The following SPON1 variants were observed in gnomAD, a reference collection of about 807,000 sequenced individuals.
The protein encoded by SPON1 is spondin 1.
Under a neutral mutation model 111.7 loss-of-function variants are expected in SPON1, and 52 were observed. The observed-to-expected ratio is 0.47, with a 90% CI of 0.37 to 0.59. The LOEUF is 0.59. Among genes scored for constraint, SPON1 ranks in the 20% least tolerant of loss-of-function variants. The pLI is 0.00. For synonymous variants in SPON1, 410 were observed against 395.8 expected (o/e 1.04, Z -0.43); for missense variants, 957 against 1,068.5 (o/e 0.90, Z 1.46).
intron 2 of SPON1, among the ~76,000 whole-genome samples, chr11:14,001,873 A>G (rs1474650983): frequency 5.3e-5 from 8 of 152,248 alleles, no homozygotes; most frequent in Non-Finnish European, 7.3e-5. Context: ...TTTGAAGATT[A>G]GATGAAATAA....
At chr11:13,963,242 T>A in intron 1 of SPON1, 100 bp downstream of exon 1, 2 of 902,226 alleles carry the variant, frequency 2.2e-6, no homozygotes, top group Non-Finnish European at 3.2e-6. Flanking sequence ...TCCGGGCGCG[T>A]GGCGCGGGTG....
chr11:14,093,331 T>C (rs1331368400), intron 5 of SPON1, among the ~76,000 whole-genome samples: 26 of 152,208 alleles, frequency 1.7e-4, no homozygotes, highest in Admixed American at 1.1e-3. Flanking sequence ...TGCCAAGGAA[T>C]TGGGAGTTAC....
At chr11:14,181,627 G>A (rs1848235649) in intron 6 of SPON1, among the ~76,000 whole-genome samples, 1 of 152,184 alleles carries the variant, frequency 6.6e-6, no homozygotes, top group African/African-American at 2.4e-5. Flanking sequence ...GCACAGACCA[G>A]GGATCAAAGC....
At chr11:14,143,788 G>A (rs1847686387) in intron 6 of SPON1, among the ~76,000 whole-genome samples, 1 of 152,140 alleles carries the variant, frequency 6.6e-6, no homozygotes, top group Non-Finnish European at 1.5e-5. Flanking sequence ...GTTCAGAGCT[G>A]CACCAATTGG....
intron 6 of SPON1, among the ~76,000 whole-genome samples, chr11:14,181,854 TG>T (rs1427011746): frequency 6.6e-6 from 1 of 152,236 alleles, no homozygotes; most frequent in Non-Finnish European, 1.5e-5. Context: ...GTGGGTTTTT[TG>T]TTTTTTGTTT....
chr11:14,119,165 A>G (rs1554926260), intron 5 of SPON1, among the ~76,000 whole-genome samples: 5 of 152,082 alleles, frequency 3.3e-5, no homozygotes, highest in African/African-American at 9.7e-5. Flanking sequence ...GCCCAGACAC[A>G]TGATCTTAGT....
In SPON1 at chr11:13,999,699, G is replaced by A. The variant is rs117571595; in HGVS notation, c.345+16746G>A. 1.0e-3 allele frequency among the ~76,000 whole-genome samples: 155 copies of A among 152,220 alleles called. No individual in the cohort carries two copies. The East Asian group carries it at 0.024, about 24-fold the overall frequency. ...TGGGATTACAGGTGTGAGCCACCGC[G>A]CCTGGCCTGCTATATCACTTTCTAT... On this transcript the variant is annotated intron_variant, in intron 2 of 15. Transcript: ENST00000576479.
At position 14,259,175 on chromosome 11, in the gene SPON1, T is replaced by G; in HGVS notation, c.1493-105T>G. 1 of 1,304,010 alleles carries G rather than the reference T, an allele frequency of 7.7e-7. No individual in the cohort carries two copies. Among genetic ancestry groups the G allele is most frequent in the Non-Finnish European group, 1.0e-6 (1 of 967,646 alleles). The allele number at this position is 1,304,010 out of a possible 1,614,324, so 80.8% of individuals were successfully genotyped here. ...TCTTAGGTGTGCAGACAACCTCAAC[T>G]GCCTGACTCCTCTTGATTCCCGCTG... On this transcript the variant is annotated intron_variant, in intron 11 of 15. Coordinates refer to ENST00000576479, the MANE Select transcript of SPON1 (RefSeq NM_006108.4). This position sits in a 1 kb window ranked among gnomAD's most constrained non-coding sequence, Gnocchi z 5.0.
intron 1 of SPON1, among the ~76,000 whole-genome samples, chr11:13,979,420 A>G (rs1487456351): frequency 2.6e-5 from 4 of 152,190 alleles, no homozygotes; most frequent in African/African-American, 7.2e-5. Flanking sequence ...ACTTCAACAT[A>G]TCTTAAACCG....
At chr11:14,063,462 T>C (rs1462738842) in intron 3 of SPON1, among the ~76,000 whole-genome samples, 3 of 152,158 alleles carry the variant, frequency 2.0e-5, no homozygotes, top group Non-Finnish European at 2.9e-5. Context: ...TTCCTTCCTT[T>C]CTTGTAGCTG....
At chr11:14,192,935 G>C (rs553388029) in intron 6 of SPON1, among the ~76,000 whole-genome samples, 1 of 152,200 alleles carries the variant, frequency 6.6e-6, no homozygotes, top group African/African-American at 2.4e-5. Flanking sequence ...TCGGGGTAGA[G>C]TGCAGGCATC....
chr11:14,194,987 T>G (rs1193199224), intron 6 of SPON1, among the ~76,000 whole-genome samples: 2 of 152,168 alleles, frequency 1.3e-5, no homozygotes, highest in Non-Finnish European at 2.9e-5. Context: ...ATGATAATCT[T>G]TGTTGGTTGA....
chr11:14,174,547 T>A (rs1403818436), intron 6 of SPON1, among the ~76,000 whole-genome samples: 4 of 152,048 alleles, frequency 2.6e-5, no homozygotes, highest in African/African-American at 4.8e-5. Context: ...CAGAGGGGTT[T>A]TTTTTTTCCC....
At chr11:14,154,024 C>G (rs1554930150) in intron 6 of SPON1, among the ~76,000 whole-genome samples, 1 of 152,206 alleles carries the variant, frequency 6.6e-6, no homozygotes, top group South Asian at 2.1e-4. Flanking sequence ...CTCTCAAGGC[C>G]TTGGGCAGCT....
chr11:14,116,880 T>C (rs532491380), intron 5 of SPON1, among the ~76,000 whole-genome samples: 1 of 152,324 alleles, frequency 6.6e-6, no homozygotes, highest in South Asian at 2.1e-4. Flanking sequence ...CTCTAAGTTC[T>C]CTCAATAATG....
intron 3 of SPON1, among the ~76,000 whole-genome samples, chr11:14,074,598 A>T (rs1040163882): frequency 4.6e-5 from 7 of 152,378 alleles, no homozygotes; most frequent in Middle Eastern, 3.4e-3. Context: ...GTAAACTTTC[A>T]AATTACTGAA....
intron 1 of SPON1, among the ~76,000 whole-genome samples, chr11:13,975,699 C>T (rs1848098033): frequency 6.6e-6 from 1 of 152,152 alleles, no homozygotes; most frequent in African/African-American, 2.4e-5. Flanking sequence ...ACCCAAATCT[C>T]TCCATAACCT....
At chr11:14,053,706 G>A (rs1437315954) in intron 3 of SPON1, among the ~76,000 whole-genome samples, 1 of 152,122 alleles carries the variant, frequency 6.6e-6, no homozygotes, top group Non-Finnish European at 1.5e-5. Context: ...ACCATCCATA[G>A]GAAGGACAGT....
chr11:14,047,719 G>A (rs1399493870), intron 3 of SPON1, among the ~76,000 whole-genome samples: 1 of 152,098 alleles, frequency 6.6e-6, no homozygotes, highest in East Asian at 1.9e-4. Flanking sequence ...AGGTAAAAGG[G>A]GTGGATAAAG....
Sources: gnomAD v4.1 joint callset for allele counts (sites outside exome capture counted in the v4.1 genomes callset) on GRCh38, gnomAD v4.1.1 for gene constraint, Gnocchi (gnomAD v3.1) non-coding constraint, MANE v1.5 for transcripts, NCBI Gene and HGNC (gene_info 2026-07-23, HGNC 2026-07-21) for gene names.